Variants in AFF1 observed in about 807,000 individuals in gnomAD.
The protein encoded by AFF1 is ALF transcription elongation factor 1, also known as AF4/FMR2 family member 1.
AFF1 carries 48 observed loss-of-function variants against 121.7 expected under a neutral mutation model. That is an observed-to-expected ratio of 0.39 (90% confidence interval 0.31 to 0.50). The LOEUF (loss-of-function observed/expected upper bound fraction) is 0.50. AFF1 is among the 20% of genes least tolerant of loss of function. The pLI is 0.76. For missense variants in AFF1, 1,523 were observed against 1,511.7 expected, an observed-to-expected ratio of 1.01 and a Z score of -0.12; for synonymous variants, 613 against 563.0, an observed-to-expected ratio of 1.09 and a Z score of -1.26.
Position 87,125,053 on chromosome 4 carries a change from A to G in AFF1, c.2483A>G (p.Asp828Gly). The change falls in exon 13 of 21, where the codon GAC becomes GGC. Residue 828 changes from aspartate to glycine, a missense_variant. Asp to Gly is a moderately conservative substitution (Grantham distance 94). Transcript: ENST00000395146. ...AKKRKGEAER[D>G]CDNKKIRLEK... is the part of the protein sequence containing the mutation. ...CTGTAATAGGGTGAAGCAGAAAGAG[A>G]CTGTGATAACAAGAAAATCAGACTG... is the stretch of plus-strand genomic sequence containing the variant. 6.2e-7 allele frequency: 1 copy of G among 1,606,104 alleles called. No homozygotes were observed. Among genetic ancestry groups the G allele is most frequent in the Non-Finnish European group, 8.5e-7 (1 of 1,175,720 alleles).
chr4:87,029,924 A>T (rs1728902367), intron 2 of AFF1, among the ~76,000 whole-genome samples: 1 of 152,172 alleles, frequency 6.6e-6, no homozygotes, highest in African/African-American at 2.4e-5. Context: ...TGCTTGGCAC[A>T]CTTTCCATCA....
chr4:86,951,615 CTTTTTTTCTTTTTTTTTTTT>C (rs1238361407), intron 2 of AFF1, among the ~76,000 whole-genome samples: 1 of 124,944 alleles, frequency 8.0e-6, no homozygotes, highest in Non-Finnish European at 1.6e-5. Flanking sequence ...TTTCTTTTTT[CTTTTTTTCTTTTTTTTTTTT>C]TTTTTTGAGA....
chr4:86,987,475 C>T (rs1186927879), intron 2 of AFF1, among the ~76,000 whole-genome samples: 1 of 152,042 alleles, frequency 6.6e-6, no homozygotes, highest in East Asian at 1.9e-4. Flanking sequence ...TCTTGATAAC[C>T]AAGAATGTAT....
chr4:86,986,865 A>C (rs1724325252), intron 2 of AFF1, among the ~76,000 whole-genome samples: 1 of 151,978 alleles, frequency 6.6e-6, no homozygotes, highest in African/African-American at 2.4e-5. Context: ...TTATTTTTAA[A>C]ATCATCATTT....
intron 2 of AFF1, among the ~76,000 whole-genome samples, chr4:87,043,643 C>T (rs911677347): frequency 9.9e-5 from 15 of 152,190 alleles, no homozygotes; most frequent in African/African-American, 3.6e-4. Flanking sequence ...GACTTCATTA[C>T]AGAAGATTAC....
intron 8 of AFF1, among the ~76,000 whole-genome samples, chr4:87,098,499 A>G (rs1191069651): frequency 2.6e-5 from 4 of 152,180 alleles, no homozygotes; most frequent in African/African-American, 7.2e-5. Flanking sequence ...ATTGTGGACA[A>G]TTCTTTTTCT....
intron 2 of AFF1, among the ~76,000 whole-genome samples, chr4:86,966,481 G>A (rs1192731145): frequency 6.6e-6 from 1 of 151,936 alleles, no homozygotes; most frequent in East Asian, 1.9e-4. Context: ...CCATCCCCCA[G>A]TGGGTGATTC....
At chr4:87,104,819 T>G (rs1443822483) in intron 8 of AFF1, among the ~76,000 whole-genome samples, 1 of 152,166 alleles carries the variant, frequency 6.6e-6, no homozygotes, top group Non-Finnish European at 1.5e-5. Context: ...AGGTTCACCA[T>G]AAGCCAGAAT....
chr4:87,025,048 A>G (rs993198121), intron 2 of AFF1, among the ~76,000 whole-genome samples: 9 of 152,148 alleles, frequency 5.9e-5, no homozygotes, highest in African/African-American at 1.4e-4. Flanking sequence ...CCCTTTTTTC[A>G]CAAGGTTCTC....
chr4:86,994,374 G>A (rs1055089695), intron 2 of AFF1, among the ~76,000 whole-genome samples: 3 of 152,172 alleles, frequency 2.0e-5, no homozygotes, highest in African/African-American at 7.2e-5. Flanking sequence ...TTTTTGAAAT[G>A]TTGGAAATTG....
intron 2 of AFF1, among the ~76,000 whole-genome samples, chr4:86,965,228 A>G (rs1162044965): frequency 2.6e-5 from 4 of 152,238 alleles, no homozygotes; most frequent in Non-Finnish European, 5.9e-5. Flanking sequence ...GAATTATGTA[A>G]ACAGTGATTT....
At chr4:86,987,315 T>C (rs1412585377) in intron 2 of AFF1, among the ~76,000 whole-genome samples, 1 of 152,206 alleles carries the variant, frequency 6.6e-6, no homozygotes, top group African/African-American at 2.4e-5. Context: ...TTAATGCGTC[T>C]ACCTCTGGGG....
chr4:87,113,859 C>T (rs1415820238), intron 11 of AFF1, among the ~76,000 whole-genome samples: 1 of 151,996 alleles, frequency 6.6e-6, no homozygotes, highest in African/African-American at 2.4e-5. Context: ...GATTGAGACC[C>T]TGTCACACAC....
intron 12 of AFF1, among the ~76,000 whole-genome samples, chr4:87,115,638 C>G (rs1231055576): frequency 4.6e-5 from 1 of 21,950 alleles, no homozygotes; most frequent in African/African-American, 1.2e-4. Flanking sequence ...AAAGACAGGC[C>G]CTTGCTCTGT....
intron 4 of AFF1, among the ~76,000 whole-genome samples, chr4:87,063,391 C>A (rs1353578771): frequency 6.6e-6 from 1 of 151,876 alleles, no homozygotes; most frequent in Non-Finnish European, 1.5e-5. Flanking sequence ...TAAGCATGCA[C>A]CACCAATCCT....
At chr4:87,019,755 G>A (rs1035490079) in intron 2 of AFF1, among the ~76,000 whole-genome samples, 52 of 152,098 alleles carry the variant, frequency 3.4e-4, no homozygotes, top group African/African-American at 1.1e-3. Flanking sequence ...ACCGTTAAAC[G>A]TTAAGTAGGT....
intron 1 of AFF1, among the ~76,000 whole-genome samples, chr4:86,937,294 A>C (rs1157961950): frequency 2.0e-5 from 3 of 152,246 alleles, no homozygotes; most frequent in African/African-American, 4.8e-5. Context: ...TAGAGATTGA[A>C]AATTTATGAC....
chr4:87,089,010 TG>T (rs940967627), intron 5 of AFF1, among the ~76,000 whole-genome samples: 1 of 152,126 alleles, frequency 6.6e-6, no homozygotes, highest in Non-Finnish European at 1.5e-5. Flanking sequence ...CTCCAAAAGC[TG>T]GGATTACAGG....
chr4:86,981,043 C>T (rs913034339), intron 2 of AFF1, among the ~76,000 whole-genome samples: 13 of 147,774 alleles, frequency 8.8e-5, no homozygotes, highest in Non-Finnish European at 1.8e-4. Context: ...GACGGGGTCT[C>T]GCTCTGTCGC....
Sources: gnomAD v4.1 joint callset for allele counts (sites outside exome capture counted in the v4.1 genomes callset) on GRCh38, gnomAD v4.1.1 for gene constraint, MANE v1.5 for transcripts, NCBI Gene and HGNC (gene_info 2026-07-23, HGNC 2026-07-21) for gene names.